The following ICE2 variants were observed in gnomAD, a reference collection of about 807,000 sequenced individuals.
ICE2 encodes interactor of little elongation complex ELL subunit 2, also known as little elongation complex subunit 2.
A neutral mutation model predicts 105.4 loss-of-function variants in ICE2; 87 were observed. The observed-to-expected ratio is 0.83, with a 90% CI of 0.69 to 0.99. The LOEUF (loss-of-function observed/expected upper bound fraction) is 0.99, where lower values mean the gene tolerates loss of function less well. ICE2 is among the 50% of genes least tolerant of loss of function. ICE2 has a pLI of 0.00. For synonymous variants in ICE2, 399 were observed against 392.0 expected, an observed-to-expected ratio of 1.02 and a Z score of -0.21; for missense variants, 1,323 against 1,146.7, an observed-to-expected ratio of 1.15 and a Z score of -2.22.
At chr15:60,457,332 T>G (rs574512206) in intron 5 of ICE2, among the ~76,000 whole-genome samples, 1 of 152,294 alleles carries the variant, frequency 6.6e-6, no homozygotes, top group East Asian at 1.9e-4. Context: ...TGTAAGTTAA[T>G]AAAATTCACA....
At position 60,431,930 on chromosome 15, in the gene ICE2, T is replaced by A; in HGVS notation, c.2561+4A>T. ...TCAAAGCAAAATGCCTAAAAAATAC[T>A]TACCTACTTAGTTTCTTTAGAATGT... On this transcript the variant is annotated splice_donor_region_variant and intron_variant, in intron 14 of 15. Coordinates refer to ENST00000261520, the MANE Select transcript of ICE2 (RefSeq NM_024611.6). 3 of 1,345,614 alleles carry A rather than the reference T, an allele frequency of 2.2e-6. No homozygotes were observed. The highest frequency in any genetic ancestry group is 3.1e-6 in the Non-Finnish European group (3 of 958,336). The allele number at this position is 1,345,614 out of a possible 1,614,324, so 83.4% of individuals were successfully genotyped here. A position where few individuals can be genotyped will look rare whatever the true frequency, so the allele number is the denominator to read the frequency against.
At chr15:60,445,745 TCTTA>T (rs2063808711) in intron 11 of ICE2, 1 of 985,218 alleles carries the variant, frequency 1.0e-6, no homozygotes, top group African/African-American at 1.7e-5. Flanking sequence ...CCTAGGCTAT[TCTTA>T]CTTAAGAGAT....
In ICE2 at chr15:60,477,913, G is replaced by T. The variant is rs2064811584; in HGVS notation, c.41+24C>A. Reference sequence around the variant, plus strand: ...AGCCCCACTACACTCCTCTTCAGTGGATTACAAAGTGGCTACAACTCACCA... The same window carrying T: ...AGCCCCACTACACTCCTCTTCAGTGTATTACAAAGTGGCTACAACTCACCA... On this transcript the variant is annotated intron_variant, in intron 2 of 15. Transcript: ENST00000261520. The T allele has an allele frequency of 3.1e-6, 5 of 1,603,778 alleles. No homozygotes were observed. The East Asian group carries it at 1.1e-4, about 36-fold the overall frequency.
Position 60,443,266 on chromosome 15 carries a change from C to T in ICE2, c.2296-721G>A, listed in dbSNP as rs1196876497. 2.6e-5 allele frequency among the ~76,000 whole-genome samples: 4 copies of T among 152,318 alleles called. No individual in the cohort carries two copies. The East Asian group carries it at 7.7e-4, about 29-fold the overall frequency. ...CTCATTATCTTCAAAGAAAACTCTA[C>T]TCTTAACAGGAGTCTATTTCCAGTT... On this transcript the variant is annotated intron_variant, in intron 11 of 15. Coordinates refer to ENST00000261520, the MANE Select transcript of ICE2 (RefSeq NM_024611.6).
chr15:60,476,094 T>C lies in ICE2; in HGVS notation c.115A>G (p.Ser39Gly), dbSNP rs1372238990. Reference protein sequence around the residue: ...ENYKDHSMAPSLKELRVLSNR... With the variant: ...ENYKDHSMAPGLKELRVLSNR... Reference sequence around the variant, plus strand: ...GATAAAACACGTAGTTCTTTTAAACTTGGAGCCATGGAATGATCTTTATAA... The same window carrying C: ...GATAAAACACGTAGTTCTTTTAAACCTGGAGCCATGGAATGATCTTTATAA... Residue 39 changes from serine to glycine, a missense_variant, in exon 3 of 16, where the codon AGT (serine) becomes GGT (glycine). Coordinates refer to ENST00000261520, the MANE Select transcript of ICE2 (RefSeq NM_024611.6). 1 of 1,606,456 alleles carries C rather than the reference T, an allele frequency of 6.2e-7. No individual in the cohort carries two copies. Among genetic ancestry groups the C allele is most frequent in the East Asian group, 2.2e-5 (1 of 44,642 alleles).
intron 9 of ICE2, chr15:60,452,638 TG>T (rs1355326291): frequency 6.3e-6 from 1 of 158,622 alleles, no homozygotes; most frequent in Non-Finnish European, 1.4e-5. Context: ...CTATAAACAA[TG>T]TATTTAAAAA....
intron 9 of ICE2, chr15:60,452,173 CA>C: frequency 1.0e-6 from 1 of 968,514 alleles, no homozygotes. Context: ...AAGAAGAAAA[CA>C]TAAGTTAAAA....
In ICE2 at chr15:60,431,860, A is replaced by G. The variant is rs983319252; in HGVS notation, c.2561+74T>C. 2.0e-5 allele frequency: 17 copies of G among 837,448 alleles called. No individual in the cohort carries two copies. In the African/African-American group the frequency reaches 2.7e-4, roughly 13 times the overall value. 51.9% of individuals were successfully genotyped at this position (837,448 alleles called of 1,614,324 possible). Reference sequence around the variant, plus strand: ...ATTTTGTCTCTATTCCTAACAGTACATTTTCAAAGTTTCTAAGAATTTTCA... The same window carrying G: ...ATTTTGTCTCTATTCCTAACAGTACGTTTTCAAAGTTTCTAAGAATTTTCA... On this transcript the variant is annotated intron_variant, in intron 14 of 15. Coordinates refer to ENST00000261520, the MANE Select transcript of ICE2 (RefSeq NM_024611.6).
At chr15:60,429,515 T>G (rs760395363) in intron 14 of ICE2, among the ~76,000 whole-genome samples, 18 of 152,212 alleles carry the variant, frequency 1.2e-4, no homozygotes, top group Non-Finnish European at 2.1e-4. Context: ...TAATTCAATG[T>G]ATCATCTTAA....
intron 12 of ICE2, among the ~76,000 whole-genome samples, chr15:60,436,639 C>T (rs940143503): frequency 1.8e-4 from 26 of 146,198 alleles, no homozygotes; most frequent in Non-Finnish European, 3.3e-4. Flanking sequence ...GGCGTTAACC[C>T]GGGAGGCAGA....
intron 5 of ICE2, among the ~76,000 whole-genome samples, chr15:60,463,780 G>GA (rs961164911): frequency 2.0e-4 from 30 of 150,942 alleles, no homozygotes; most frequent in African/African-American, 6.1e-4. Flanking sequence ...CTTAAAAAAA[G>GA]AAAAAAAAAT....
Position 60,478,038 on chromosome 15 carries a change from C to G in ICE2, c.-61G>C, listed in dbSNP as rs1197999869. 2.0e-6 allele frequency: 3 copies of G among 1,491,790 alleles called. No homozygotes were observed. Among genetic ancestry groups the G allele is most frequent in the Non-Finnish European group, 2.8e-6 (3 of 1,069,250 alleles). 92.4% of individuals were successfully genotyped at this position (1,491,790 alleles called of 1,614,324 possible). On this transcript the variant is annotated 5_prime_UTR_variant, in exon 2 of 16. Transcript: ENST00000261520. The stretch of plus-strand genomic sequence containing the variant: ...CACAGCTGCCTGGCTGCGAAGGCTC[C>G]AAGAGGCAGGATCCCTCCAGAACTT...
At chr15:60,456,634 T>C (rs752295681) in intron 6 of ICE2, 23 bp downstream of exon 6, 7 of 1,478,356 alleles carry the variant, frequency 4.7e-6, no homozygotes, top group South Asian at 2.4e-5. Flanking sequence ...AAAAAGCTTA[T>C]ATCGTCTGAT....
intron 1 of ICE2, 188 bp downstream of exon 1, chr15:60,478,815 G>C: frequency 7.9e-6 from 3 of 378,106 alleles, no homozygotes; most frequent in South Asian, 3.7e-5. Flanking sequence ...CAAAGAGAGG[G>C]GAAACAAGGT....
At chr15:60,474,014 T>C (rs2064683603) in intron 3 of ICE2, among the ~76,000 whole-genome samples, 1 of 152,166 alleles carries the variant, frequency 6.6e-6, no homozygotes, top group Non-Finnish European at 1.5e-5. Context: ...GCTCAAGTGA[T>C]CCTCGTGCCT....
At chr15:60,458,029 T>C (rs2064174856) in intron 5 of ICE2, among the ~76,000 whole-genome samples, 1 of 152,174 alleles carries the variant, frequency 6.6e-6, no homozygotes, top group South Asian at 2.1e-4. Context: ...TGGTGGATGT[T>C]AGTGTTTTTA....
intron 14 of ICE2, among the ~76,000 whole-genome samples, chr15:60,430,984 G>A (rs760929610): frequency 6.6e-6 from 1 of 152,008 alleles, no homozygotes; most frequent in Non-Finnish European, 1.5e-5. Context: ...CGATTCTGCT[G>A]CCTCAGCCTC....
intron 5 of ICE2, among the ~76,000 whole-genome samples, chr15:60,462,406 T>C (rs2064304015): frequency 1.3e-5 from 2 of 152,148 alleles, no homozygotes; most frequent in Non-Finnish European, 1.5e-5. Context: ...AGAGAGTAGA[T>C]TTTAAGTGTT....
chr15:60,457,553 T>C (rs952991126), intron 5 of ICE2, among the ~76,000 whole-genome samples: 1 of 152,214 alleles, frequency 6.6e-6, no homozygotes, highest in South Asian at 2.1e-4. Flanking sequence ...ATCTTCTTTA[T>C]GTATTATCTT....
Sources: gnomAD v4.1 joint callset for allele counts (sites outside exome capture counted in the v4.1 genomes callset) on GRCh38, gnomAD v4.1.1 for gene constraint, MANE v1.5 for transcripts, NCBI Gene and HGNC (gene_info 2026-07-23, HGNC 2026-07-21) for gene names.